CAB39: variants seen among roughly 807,000 people sequenced by gnomAD.
CAB39 encodes the protein calcium-binding protein 39.
Under a neutral mutation model 40.0 loss-of-function variants are expected in CAB39, and 8 were observed. The observed-to-expected ratio is 0.20, with a 90% CI of 0.12 to 0.36. The LOEUF is 0.36. Among genes scored for constraint, CAB39 ranks in the 10% least tolerant of loss-of-function variants. CAB39 has a pLI of 1.00. For synonymous variants in CAB39, 156 were observed against 141.6 expected, an observed-to-expected ratio of 1.10 and a Z score of -0.72; for missense variants, 270 against 401.1, an observed-to-expected ratio of 0.67 and a Z score of 2.79.
At position 230,719,936 on chromosome 2, in the gene CAB39, G is replaced by A. The variant is rs760095376; in HGVS notation, c.-44+6706G>A. Among the ~76,000 whole-genome samples the A allele has an allele frequency of 3.9e-5, 6 of 152,232 alleles. No homozygotes were observed. In the South Asian group the frequency reaches 8.3e-4, roughly 21 times the overall value. ...CCTTTTTTCTCCCAGTTGGTCAGAT[G>A]GTAGTGTTATTTCACAGTACTGAAG... On this transcript the variant is annotated intron_variant, in intron 1 of 8. Coordinates refer to ENST00000258418, the MANE Select transcript of CAB39 (RefSeq NM_016289.4).
chr2:230,717,426 C>T (rs76341213), intron 1 of CAB39, among the ~76,000 whole-genome samples: 2,561 of 152,244 alleles, frequency 0.017, 67 homozygotes, highest in African/African-American at 0.052. Flanking sequence ...ACTTTCCGAC[C>T]GGATCCCAAC....
In CAB39 at chr2:230,793,262, T is replaced by C; in HGVS notation, c.329T>C (p.Ile110Thr). The C allele has an allele frequency of 6.2e-7, 1 of 1,612,784 alleles. No individual in the cohort carries two copies. Among genetic ancestry groups the C allele is most frequent in the Non-Finnish European group, 8.5e-7 (1 of 1,179,298 alleles). The change falls in exon 4 of 9, where the codon ATT (isoleucine) becomes ACT (threonine). Residue 110 changes from isoleucine to threonine, a missense_variant. Ile to Thr is a moderately conservative substitution (Grantham distance 89). Coordinates refer to ENST00000258418, the MANE Select transcript of CAB39 (RefSeq NM_016289.4). ...TTCAACAATATTCTCAGAAGACAAA[T>C]TGGTACGAGAACTCCTACTGTTGAA... is the stretch of plus-strand genomic sequence containing the variant. ...QIFNNILRRQ[I>T]GTRTPTVEYI...
At chr2:230,732,333 C>T (rs949332120) in intron 1 of CAB39, among the ~76,000 whole-genome samples, 2 of 151,804 alleles carry the variant, frequency 1.3e-5, no homozygotes, top group African/African-American at 4.8e-5. Context: ...CCACCCACCT[C>T]GGCCTCCCAA....
intron 1 of CAB39, among the ~76,000 whole-genome samples, chr2:230,739,765 A>ATTAC (rs1210127867): frequency 6.6e-6 from 1 of 152,230 alleles, no homozygotes; most frequent in African/African-American, 2.4e-5. Flanking sequence ...AAGTGCTGGG[A>ATTAC]TTACAGGTAT....
chr2:230,724,196 G>A (rs914849089), intron 1 of CAB39, among the ~76,000 whole-genome samples: 2 of 150,238 alleles, frequency 1.3e-5, no homozygotes, highest in African/African-American at 2.4e-5. Context: ...GCAGCGCGCC[G>A]AGATTGCGCC....
intron 2 of CAB39, among the ~76,000 whole-genome samples, chr2:230,772,953 C>A (rs999462084): frequency 2.3e-5 from 3 of 129,214 alleles, no homozygotes; most frequent in East Asian, 4.6e-4. Context: ...AACTGTAGTA[C>A]ATCCATGTAA....
At chr2:230,720,560 C>T (rs946443576) in intron 1 of CAB39, among the ~76,000 whole-genome samples, 1 of 152,106 alleles carries the variant, frequency 6.6e-6, no homozygotes, top group Non-Finnish European at 1.5e-5. Flanking sequence ...CTCAGCTTCC[C>T]GAGTAGCTGG....
chr2:230,763,120 A>C (rs1333782953), intron 2 of CAB39, among the ~76,000 whole-genome samples: 1 of 152,232 alleles, frequency 6.6e-6, no homozygotes, highest in Non-Finnish European at 1.5e-5. Context: ...GTTATAAATA[A>C]TGTGTTTTAA....
chr2:230,736,853 ATT>A (rs1240604178), intron 1 of CAB39, among the ~76,000 whole-genome samples: 1 of 152,008 alleles, frequency 6.6e-6, no homozygotes, highest in Non-Finnish European at 1.5e-5. Flanking sequence ...TAATTAAATC[ATT>A]TTTCTGATGC....
intron 1 of CAB39, among the ~76,000 whole-genome samples, chr2:230,759,688 A>G (rs987774788): frequency 6.6e-6 from 1 of 152,218 alleles, no homozygotes; most frequent in Non-Finnish European, 1.5e-5. Context: ...ATCAGTCAGC[A>G]TGTTCGTCCC....
rs189819634 is a variant in CAB39 at position 230,798,644 on chromosome 2, G to A, written c.399-85G>A. 326 of 1,132,044 alleles carry A rather than the reference G, an allele frequency of 2.9e-4. 2 individuals carry two copies. The South Asian group carries it at 3.0e-3, about 11-fold the overall frequency. 70.1% of individuals were successfully genotyped at this position (1,132,044 alleles called of 1,614,324 possible). ...GGATACATGTCTGAAAACTGTCTTT[G>A]GCCTGAAAGTTTGAACTGTTCAGTG... On this transcript the variant is annotated intron_variant, in intron 4 of 8. Transcript: ENST00000258418.
intron 2 of CAB39, among the ~76,000 whole-genome samples, chr2:230,782,642 G>A (rs1448885765): frequency 1.3e-5 from 2 of 152,014 alleles, no homozygotes; most frequent in Non-Finnish European, 2.9e-5. Context: ...GAATTACGTT[G>A]TAAATTGAGC....
chr2:230,775,457 A>G (rs1294067795), intron 2 of CAB39, among the ~76,000 whole-genome samples: 1 of 151,950 alleles, frequency 6.6e-6, no homozygotes, highest in African/African-American at 2.4e-5. Context: ...GATGGTCTTG[A>G]TCTCCTGACC....
intron 1 of CAB39, among the ~76,000 whole-genome samples, chr2:230,755,294 A>C (rs1695170772): frequency 6.6e-6 from 1 of 152,214 alleles, no homozygotes; most frequent in South Asian, 2.1e-4. Flanking sequence ...CATCCATTCC[A>C]ATATATACTG....
intron 3 of CAB39, among the ~76,000 whole-genome samples, chr2:230,791,764 G>A (rs1386799065): frequency 6.6e-6 from 1 of 152,174 alleles, no homozygotes; most frequent in African/African-American, 2.4e-5. Context: ...TGACATTGTT[G>A]CCCGAGTTAA....
chr2:230,803,774 C>G (rs1242276318), intron 5 of CAB39, among the ~76,000 whole-genome samples: 5 of 152,192 alleles, frequency 3.3e-5, no homozygotes, highest in Non-Finnish European at 4.4e-5. Flanking sequence ...GAAGAACATT[C>G]CATGCTCATG....
intron 1 of CAB39, among the ~76,000 whole-genome samples, chr2:230,757,375 A>G (rs897240345): frequency 1.3e-4 from 20 of 152,160 alleles, no homozygotes; most frequent in Non-Finnish European, 4.4e-5. Flanking sequence ...GAGATTACAG[A>G]CGTGAGCTGC....
chr2:230,799,796 G>T (rs1199815136), intron 5 of CAB39, among the ~76,000 whole-genome samples: 13 of 152,066 alleles, frequency 8.5e-5, no homozygotes, highest in African/African-American at 3.1e-4. Flanking sequence ...TTCGAGACCA[G>T]CCTCACCAAC....
At chr2:230,760,198 A>G (rs1695266046) in intron 2 of CAB39, 83 bp downstream of exon 2, 9 of 739,228 alleles carry the variant, frequency 1.2e-5, no homozygotes, top group African/African-American at 1.8e-5. Flanking sequence ...GTAAGTCCCA[A>G]TTTGGGTTTA....
Sources: allele counts gnomAD v4.1 joint callset (sites outside exome capture counted in the v4.1 genomes callset), GRCh38; gene constraint gnomAD v4.1.1; transcripts MANE v1.5; gene names NCBI Gene and HGNC (gene_info 2026-07-23, HGNC 2026-07-21).